Variants in MTUS1 observed in about 807,000 individuals in gnomAD.
MTUS1 encodes microtubule associated scaffold protein 1, also known as microtubule-associated tumor suppressor 1.
A neutral mutation model predicts 120.8 loss-of-function variants in MTUS1; 109 were observed. The ratio of observed to expected loss-of-function variants is 0.90; its 90% CI spans 0.77 to 1.06. The LOEUF (loss-of-function observed/expected upper bound fraction) is 1.06, where lower values mean the gene tolerates loss of function less well. Ranked by LOEUF, MTUS1 falls within the 50% of genes least tolerant of loss-of-function variation. MTUS1 has a pLI of 0.00. For missense variants in MTUS1, 2,210 were observed against 1,486.3 expected (o/e 1.49, Z -8.01); for synonymous variants, 737 against 550.5 (o/e 1.34, Z -4.74).
At chr8:17,652,678 A>C (rs1024543147) in intron 12 of MTUS1, among the ~76,000 whole-genome samples, 1 of 152,128 alleles carries the variant, frequency 6.6e-6, no homozygotes, top group Non-Finnish European at 1.5e-5. Flanking sequence ...TCTACTAAAA[A>C]TACAAAAATT....
At position 17,725,845 on chromosome 8, in the gene MTUS1, T is replaced by C. The variant is rs375506369; in HGVS notation, c.2288-2012A>G. Reference sequence around the variant, plus strand: ...TATGTGTGGCCCAAGACAATTCTTCTTCTTCCAATGTGGCCCAGGGAAGCC... The same window carrying C: ...TATGTGTGGCCCAAGACAATTCTTCCTCTTCCAATGTGGCCCAGGGAAGCC... On this transcript the variant is annotated intron_variant, in intron 3 of 14. Transcript: ENST00000693296. Among the ~76,000 whole-genome samples the C allele has an allele frequency of 1.1e-4, 17 of 152,332 alleles. No homozygotes were observed. The South Asian group carries it at 3.5e-3, about 32-fold the overall frequency.
intron 3 of MTUS1, among the ~76,000 whole-genome samples, chr8:17,741,320 T>C (rs577121217): frequency 6.6e-6 from 1 of 152,186 alleles, no homozygotes; most frequent in African/African-American, 2.4e-5. Context: ...AACATATTAA[T>C]GTAGAGGGAC....
intron 1 of MTUS1, among the ~76,000 whole-genome samples, chr8:17,791,151 A>C (rs566403840): frequency 6.6e-6 from 1 of 152,336 alleles, no homozygotes; most frequent in South Asian, 2.1e-4. Flanking sequence ...CTTACTCGCC[A>C]TAAGACAAAA....
chr8:17,653,205 G>A lies in MTUS1; in HGVS notation c.3365C>T (p.Ala1122Val), dbSNP rs1807411704. 5 of 1,546,418 alleles carry A rather than the reference G, an allele frequency of 3.2e-6. No individual in the cohort carries two copies. The highest frequency in any genetic ancestry group is 4.6e-5 in the East Asian group (2 of 43,740). Residue 1122 changes from alanine to valine, a missense_variant, in exon 12 of 15, where the codon GCA becomes GTA. Transcript: ENST00000693296. ...KLKSEEQKRRAREKANLKNPQ... is the reference protein window; with the variant it reads ...KLKSEEQKRRVREKANLKNPQ... ...ACTTACCAAATTTGCTTTTTCTCTT[G>A]CTCTTCTTTTTTGTTCTTCTGATTT...
chr8:17,657,982 CATATAT>C (rs890673701), intron 8 of MTUS1, among the ~76,000 whole-genome samples: 3 of 148,792 alleles, frequency 2.0e-5, no homozygotes, highest in Admixed American at 1.4e-4. Context: ...TATACATATA[CATATAT>C]AATACATATA....
chr8:17,666,068 C>A (rs964866229), intron 8 of MTUS1, among the ~76,000 whole-genome samples: 3 of 148,164 alleles, frequency 2.0e-5, no homozygotes, highest in Admixed American at 6.8e-5. Context: ...CATTCACTGG[C>A]CAGCATGCTG....
intron 2 of MTUS1, among the ~76,000 whole-genome samples, chr8:17,745,770 C>A (rs1012315110): frequency 6.6e-6 from 1 of 152,154 alleles, no homozygotes; most frequent in Non-Finnish European, 1.5e-5. Context: ...TCTACCTGTC[C>A]GGTTATTCCT....
At chr8:17,684,292 A>T (rs1212295329) in intron 7 of MTUS1, 36 bp downstream of exon 7, 3 of 1,536,726 alleles carry the variant, frequency 2.0e-6, no homozygotes, top group Non-Finnish European at 2.7e-6. Flanking sequence ...CCCCGACCTC[A>T]AGTAGAAAGG....
intron 1 of MTUS1, among the ~76,000 whole-genome samples, chr8:17,761,147 T>TA (rs2049009864): frequency 6.6e-6 from 1 of 152,134 alleles, no homozygotes; most frequent in Non-Finnish European, 1.5e-5. Context: ...TTATAAGGAT[T>TA]AAAAATTAGT....
chr8:17,655,860 G>A lies in MTUS1; in HGVS notation c.3108+3C>T, dbSNP rs746035380. ...GACAAGCTCTGGCTGCAAAAGCACA[G>A]ACCTGCTCTTGCAATTGCATTTTGT... is the stretch of plus-strand genomic sequence containing the variant. On this transcript the variant is annotated splice_donor_region_variant and intron_variant, in intron 9 of 14. Coordinates refer to ENST00000693296, the MANE Select transcript of MTUS1 (RefSeq NM_001363059.2). 4.3e-6 allele frequency: 7 copies of A among 1,613,920 alleles called. No individual in the cohort carries two copies. Among genetic ancestry groups the A allele is most frequent in the Non-Finnish European group, 5.9e-6 (7 of 1,179,812 alleles).
At chr8:17,761,139 A>C (rs1484249401) in intron 1 of MTUS1, among the ~76,000 whole-genome samples, 1 of 152,192 alleles carries the variant, frequency 6.6e-6, no homozygotes, top group Non-Finnish European at 1.5e-5. Context: ...CTAAGGATTT[A>C]TAAGGATTAA....
intron 6 of MTUS1, among the ~76,000 whole-genome samples, chr8:17,694,006 T>G (rs972842833): frequency 5.9e-5 from 9 of 152,252 alleles, no homozygotes; most frequent in African/African-American, 2.2e-4. Flanking sequence ...TTAGGCTGGA[T>G]TATACAAAAC....
At chr8:17,730,163 T>C (rs1309128905) in intron 3 of MTUS1, among the ~76,000 whole-genome samples, 1 of 152,144 alleles carries the variant, frequency 6.6e-6, no homozygotes, top group Non-Finnish European at 1.5e-5. Context: ...AACAACTGCA[T>C]GTCTAGGTAC....
intron 7 of MTUS1, among the ~76,000 whole-genome samples, chr8:17,676,866 T>C (rs961516436): frequency 6.6e-6 from 1 of 152,182 alleles, no homozygotes; most frequent in Non-Finnish European, 1.5e-5. Context: ...TAAATGACAT[T>C]ATGAAATGAG....
At chr8:17,756,976 T>C (rs1428132731) in intron 1 of MTUS1, among the ~76,000 whole-genome samples, 4 of 152,220 alleles carry the variant, frequency 2.6e-5, no homozygotes, top group African/African-American at 9.6e-5. Context: ...CAGTGTATGA[T>C]AATTTGTTAT....
intron 1 of MTUS1, among the ~76,000 whole-genome samples, chr8:17,786,669 C>G (rs1251893378): frequency 1.3e-5 from 2 of 152,122 alleles, no homozygotes; most frequent in Non-Finnish European, 2.9e-5. Context: ...TTTGGGGTCA[C>G]AATGTGAATG....
In MTUS1 at chr8:17,676,160, C is replaced by T. The variant is rs980002844; in HGVS notation, c.2839-908G>A. On this transcript the variant is annotated intron_variant, in intron 7 of 14. Coordinates refer to ENST00000693296, the MANE Select transcript of MTUS1 (RefSeq NM_001363059.2). Reference sequence around the variant, plus strand: ...ACAGCGTTGCAGAGATCATGAGACCCGGCCTTTGCAGGCAAGAGTTGCTTG... The same window carrying T: ...ACAGCGTTGCAGAGATCATGAGACCTGGCCTTTGCAGGCAAGAGTTGCTTG... 3.6e-5 allele frequency: 24 copies of T among 675,892 alleles called. No individual in the cohort carries two copies. The East Asian group carries it at 4.8e-4, about 14-fold the overall frequency. The allele number at this position is 675,892 out of a possible 1,614,324, so 41.9% of individuals were successfully genotyped here.
chr8:17,797,025 TC>T (rs141515003), intron 1 of MTUS1, among the ~76,000 whole-genome samples: 3,330 of 151,824 alleles, frequency 0.022, 62 homozygotes, highest in South Asian at 0.036. Flanking sequence ...GGCAGGAGAA[TC>T]ACTTGAACCT....
At chr8:17,758,744 G>A (rs909961395) in intron 1 of MTUS1, among the ~76,000 whole-genome samples, 1 of 152,176 alleles carries the variant, frequency 6.6e-6, no homozygotes, top group Non-Finnish European at 1.5e-5. Context: ...AGCATAGATC[G>A]TGGGAACTGT....
Sources: allele counts gnomAD v4.1 joint callset (sites outside exome capture counted in the v4.1 genomes callset), GRCh38; gene constraint gnomAD v4.1.1; transcripts MANE v1.5; gene names NCBI Gene and HGNC (gene_info 2026-07-23, HGNC 2026-07-21).